The following RAB11FIP3 variants were observed in gnomAD, a reference collection of about 807,000 sequenced individuals.
The protein encoded by RAB11FIP3 is RAB11 family interacting protein 3, also known as rab11 family-interacting protein 3.
A neutral mutation model predicts 77.8 loss-of-function variants in RAB11FIP3; 17 were observed. The ratio of observed to expected loss-of-function variants is 0.22; its 90% CI spans 0.15 to 0.33. The LOEUF (loss-of-function observed/expected upper bound fraction) is 0.33. RAB11FIP3 is among the 10% of genes least tolerant of loss of function. RAB11FIP3 has a pLI of 1.00. For synonymous variants in RAB11FIP3, 437 were observed against 448.2 expected (o/e 0.98, Z 0.31); for missense variants, 1,005 against 1,011.2 (o/e 0.99, Z 0.08).
At chr16:475,604 T>C (rs919099567) in intron 3 of RAB11FIP3, among the ~76,000 whole-genome samples, 3 of 151,992 alleles carry the variant, frequency 2.0e-5, no homozygotes, top group Non-Finnish European at 4.4e-5. Context: ...AGGGCTGAAT[T>C]GGGAAGTGAG....
chr16:491,615 C>T (rs915854229), intron 5 of RAB11FIP3, among the ~76,000 whole-genome samples: 7 of 152,230 alleles, frequency 4.6e-5, no homozygotes, highest in Non-Finnish European at 1.0e-4. Context: ...AAGATTTAGT[C>T]TTTAAGAACA....
rs1287151075 is a variant in RAB11FIP3, at chr16:506,753, T to C, written c.1499+1126T>C. 2.0e-5 allele frequency among the ~76,000 whole-genome samples: 3 copies of C among 152,236 alleles called. No individual in the cohort carries two copies. The highest frequency in any genetic ancestry group is 2.9e-5 in the Non-Finnish European group (2 of 68,040). ...TCTAACAAAGCAAAGCATGTGCTCT[T>C]GTGGAGTGAAGACCCTGGGCTTGGC... On this transcript the variant is annotated intron_variant, in intron 8 of 13. Coordinates refer to ENST00000262305, the MANE Select transcript of RAB11FIP3 (RefSeq NM_014700.4). The surrounding 1 kb of genome is among the most constrained non-coding windows in gnomAD (Gnocchi z 4.5).
At chr16:458,893 T>C (rs894766294) in intron 1 of RAB11FIP3, among the ~76,000 whole-genome samples, 2 of 152,166 alleles carry the variant, frequency 1.3e-5, no homozygotes, top group East Asian at 1.9e-4. Context: ...TTCAAACCCA[T>C]ATGAAAGTGG....
intron 6 of RAB11FIP3, chr16:497,192 C>G: frequency 9.1e-7 from 1 of 1,098,890 alleles, no homozygotes; most frequent in Non-Finnish European, 1.2e-6. Flanking sequence ...AGTGAGGAGC[C>G]TGGCTTCTCA....
In RAB11FIP3 at chr16:426,962, C is replaced by T. The variant is rs751369842; in HGVS notation, c.714+242C>T. 6.6e-6 allele frequency among the ~76,000 whole-genome samples: 1 copy of T among 152,176 alleles called. No homozygotes were observed. The highest frequency in any genetic ancestry group is 6.5e-5 in the Admixed American group (1 of 15,278). On this transcript the variant is annotated intron_variant, in intron 1 of 13. Transcript: ENST00000262305. This position sits in a 1 kb window ranked among gnomAD's most constrained non-coding sequence, Gnocchi z 5.0. ...GGGGAGTCAGTTTCTTCCCCTCCCCCCAGCGCCTCGTCAGCTGGATCTTAC... is the reference window on the plus strand; with the variant it reads ...GGGGAGTCAGTTTCTTCCCCTCCCCTCAGCGCCTCGTCAGCTGGATCTTAC...
intron 1 of RAB11FIP3, among the ~76,000 whole-genome samples, chr16:454,456 A>G (rs1388267749): frequency 6.6e-6 from 1 of 152,156 alleles, no homozygotes; most frequent in Non-Finnish European, 1.5e-5. Context: ...ACTCACCTCT[A>G]GTCCCAGCTA....
At chr16:490,520 G>A (rs181112491) in intron 5 of RAB11FIP3, among the ~76,000 whole-genome samples, 7 of 152,182 alleles carry the variant, frequency 4.6e-5, no homozygotes, top group African/African-American at 1.7e-4. Context: ...TGTATTTTTT[G>A]TAGAGACGGG....
chr16:489,534 C>T (rs554040768), intron 5 of RAB11FIP3, among the ~76,000 whole-genome samples: 2 of 152,300 alleles, frequency 1.3e-5, no homozygotes, highest in Admixed American at 1.3e-4. Context: ...GTACGTACTT[C>T]TGAGGGCTAG....
intron 5 of RAB11FIP3, among the ~76,000 whole-genome samples, chr16:492,044 T>C (rs891413708): frequency 3.3e-5 from 5 of 152,200 alleles, no homozygotes; most frequent in Non-Finnish European, 5.9e-5. Context: ...CTAGCATGTT[T>C]AGAGGTATCT....
Position 426,290 on chromosome 16 carries a change from GCC to G in RAB11FIP3, c.286_287del (p.Pro96AlafsTer31). 1 of 1,247,952 alleles carries G rather than the reference GCC, an allele frequency of 8.0e-7. No homozygotes were observed. Among genetic ancestry groups the G allele is most frequent in the Non-Finnish European group, 1.0e-6 (1 of 999,510 alleles). 77.3% of individuals were successfully genotyped at this position (1,247,952 alleles called of 1,614,324 possible). ...CCGTCCGCCCCGCCGCCGCGCTCCG[GCC>G]CGCGGGGGCAGCTTGCGAGCCCCGA... On this transcript the variant is annotated frameshift_variant, in exon 1 of 14. Coordinates refer to ENST00000262305, the MANE Select transcript of RAB11FIP3 (RefSeq NM_014700.4). LOFTEE classifies it high-confidence loss of function. This position sits in a 1 kb window ranked among gnomAD's most constrained non-coding sequence, Gnocchi z 5.0.
At chr16:486,471 C>T (rs951360038) in intron 4 of RAB11FIP3, among the ~76,000 whole-genome samples, 2 of 152,164 alleles carry the variant, frequency 1.3e-5, no homozygotes, top group East Asian at 1.9e-4. Context: ...TCAGCCTGGG[C>T]GACAGAGCGA....
intron 1 of RAB11FIP3, among the ~76,000 whole-genome samples, chr16:448,083 C>T (rs1448738276): frequency 2.6e-5 from 4 of 151,950 alleles, no homozygotes; most frequent in Admixed American, 6.6e-5. Context: ...TTTGGGAGGC[C>T]GAGGTGGGCG....
intron 1 of RAB11FIP3, among the ~76,000 whole-genome samples, chr16:436,570 C>T (rs2141850790): frequency 6.6e-6 from 1 of 152,198 alleles, no homozygotes; most frequent in Middle Eastern, 3.4e-3. Flanking sequence ...CAAGCTCCAC[C>T]TCCCAGGTTC....
At chr16:488,806 C>A in intron 4 of RAB11FIP3, 45 bp from the exon 5 acceptor site, 1 of 1,592,578 alleles carries the variant, frequency 6.3e-7, no homozygotes, top group Non-Finnish European at 8.6e-7. Flanking sequence ...CTCGGGGGTG[C>A]CCTGGCCTTC....
Position 426,655 on chromosome 16 carries a change from G to T in RAB11FIP3, c.649G>T (p.Asp217Tyr). 12 of 1,573,906 alleles carry T rather than the reference G, an allele frequency of 7.6e-6. No homozygotes were observed. The highest frequency in any genetic ancestry group is 1.0e-5 in the Non-Finnish European group (12 of 1,161,426). ...AGCCGTGTTCGATGCCCTGGACGGG[G>T]ATGGGGACGGTTTCGTCCGCATCGA... ...LRAVFDALDG[D>Y]GDGFVRIEDF... Residue 217 changes from aspartate to tyrosine, a missense_variant, in exon 1 of 14, where the codon GAT becomes TAT. Asp to Tyr is a radical substitution (Grantham distance 160, BLOSUM62 -3). Transcript: ENST00000262305. The surrounding 1 kb of genome is among the most constrained non-coding windows in gnomAD (Gnocchi z 5.0).
At chr16:476,458 C>T (rs1485994009) in intron 3 of RAB11FIP3, among the ~76,000 whole-genome samples, 1 of 151,992 alleles carries the variant, frequency 6.6e-6, no homozygotes, top group Admixed American at 6.5e-5. Flanking sequence ...TCCCTCCCTT[C>T]GTAGGACAGA....
At position 521,120 on chromosome 16, in the gene RAB11FIP3, C is replaced by G; in HGVS notation, c.*281C>G. 3.9e-6 allele frequency: 2 copies of G among 513,568 alleles called. No individual in the cohort carries two copies. The highest frequency in any genetic ancestry group is 7.1e-6 in the Non-Finnish European group (2 of 283,354). 31.8% of individuals were successfully genotyped at this position (513,568 alleles called of 1,614,324 possible). The stretch of plus-strand genomic sequence containing the variant: ...CATCAGCGCTGACCTTCCGGGGGCC[C>G]AGAGCTTCCCAGCCCTGAGTCAAGC... On this transcript the variant is annotated 3_prime_UTR_variant, in exon 14 of 14. Transcript: ENST00000262305.
At chr16:455,954 C>T (rs78450122) in intron 1 of RAB11FIP3, among the ~76,000 whole-genome samples, 1,967 of 152,292 alleles carry the variant, frequency 0.013, 36 homozygotes, top group African/African-American at 0.045. Flanking sequence ...CCTTTCATTT[C>T]TAAGAGTACT....
Position 520,213 on chromosome 16 carries a change from T to C in RAB11FIP3, c.1952T>C (p.Leu651Pro). 2 of 1,545,860 alleles carry C rather than the reference T, an allele frequency of 1.3e-6. No individual in the cohort carries two copies. The highest frequency in any genetic ancestry group is 1.7e-6 in the Non-Finnish European group (2 of 1,147,874). The change falls in exon 12 of 14, where the codon CTG becomes CCG. Residue 651 changes from leucine (L) to proline (P), a missense_variant. Transcript: ENST00000262305. ...QRRGRSSSMG[L>P]QEYHSRARES... is the part of the protein sequence containing the mutation. Reference sequence around the variant, plus strand: ...CGGGGCCGCAGCAGCAGCATGGGCCTGCAGGAGTACCACAGCCGCGCCCGG... The same window carrying C: ...CGGGGCCGCAGCAGCAGCATGGGCCCGCAGGAGTACCACAGCCGCGCCCGG...
Sources: gnomAD v4.1 joint callset for allele counts (sites outside exome capture counted in the v4.1 genomes callset) on GRCh38, gnomAD v4.1.1 for gene constraint, Gnocchi (gnomAD v3.1) non-coding constraint, MANE v1.5 for transcripts, NCBI Gene and HGNC (gene_info 2026-07-23, HGNC 2026-07-21) for gene names.